The following KCNAB1 variants were observed in gnomAD, a reference collection of about 807,000 sequenced individuals.
The protein encoded by KCNAB1 is voltage-gated potassium channel subunit beta-1.
KCNAB1 carries 35 observed loss-of-function variants against 64.6 expected under a neutral mutation model. That is an observed-to-expected ratio of 0.54 (90% CI 0.41 to 0.72). KCNAB1 has a LOEUF of 0.72. Ranked by LOEUF, KCNAB1 falls within the 30% of genes least tolerant of loss-of-function variation. The pLI is 0.00. For synonymous variants in KCNAB1, 177 were observed against 183.8 expected (o/e 0.96, Z 0.30); for missense variants, 401 against 512.9 (o/e 0.78, Z 2.11).
intron 1 of KCNAB1, among the ~76,000 whole-genome samples, chr3:156,159,464 A>G (rs1241330688): frequency 3.3e-5 from 5 of 152,206 alleles, no homozygotes; most frequent in African/African-American, 7.2e-5. Context: ...AAAAACTCAT[A>G]AAGTATTTTA....
chr3:156,401,804 A>G (rs1713913083), intron 1 of KCNAB1, among the ~76,000 whole-genome samples: 1 of 152,246 alleles, frequency 6.6e-6, no homozygotes, highest in Non-Finnish European at 1.5e-5. Context: ...TACATTTGTA[A>G]AAGAATGATT....
chr3:156,500,579 A>G lies in KCNAB1; in HGVS notation c.659-13785A>G, dbSNP rs374201857. ...ATCTTTAGACATTTTTATATATTAT[A>G]GTTAAATGAAGGGTAACAACAACTT... On this transcript the variant is annotated intron_variant, in intron 8 of 13. Transcript: ENST00000490337. 2.2e-4 allele frequency among the ~76,000 whole-genome samples: 34 copies of G among 152,348 alleles called. No individual in the cohort carries two copies. The East Asian group carries it at 5.8e-3, about 26-fold the overall frequency.
intron 1 of KCNAB1, among the ~76,000 whole-genome samples, chr3:156,155,474 A>G (rs796442257): frequency 1.3e-5 from 2 of 152,356 alleles, no homozygotes; most frequent in African/African-American, 4.8e-5. Flanking sequence ...GACAGGGAGC[A>G]GTTGCCATTT....
At chr3:156,182,222 C>T (rs1712861413) in intron 1 of KCNAB1, among the ~76,000 whole-genome samples, 2 of 152,166 alleles carry the variant, frequency 1.3e-5, no homozygotes, top group Non-Finnish European at 2.9e-5. Context: ...AGGAGCCTCT[C>T]ACCCAATTAG....
rs926557464 is a variant in KCNAB1 at position 156,197,391 on chromosome 3, C to A, written c.275+76505C>A. On this transcript the variant is annotated intron_variant, in intron 1 of 13. Transcript: ENST00000490337. ...GGTTTCAGAACGAATGCTACCAGCT[C>A]CTCTTTGTACCTCTGGTATAATTTG... Among the ~76,000 whole-genome samples, 5 of 152,098 alleles carry A rather than the reference C, an allele frequency of 3.3e-5. No individual in the cohort carries two copies. The East Asian group carries it at 9.6e-4, about 29-fold the overall frequency.
At chr3:156,385,042 T>C (rs1712482266) in intron 1 of KCNAB1, among the ~76,000 whole-genome samples, 1 of 152,208 alleles carries the variant, frequency 6.6e-6, no homozygotes, top group South Asian at 2.1e-4. Context: ...AACCTCCTCA[T>C]GAATTTAATC....
intron 1 of KCNAB1, among the ~76,000 whole-genome samples, chr3:156,266,347 G>A (rs577477720): frequency 3.3e-5 from 5 of 152,270 alleles, no homozygotes; most frequent in South Asian, 4.2e-4. Context: ...TAGAGATAAC[G>A]TAGAAATCTT....
At chr3:156,387,014 C>CTCTCTTTTTTTTTTTTT (rs60888308) in intron 1 of KCNAB1, among the ~76,000 whole-genome samples, 9 of 90,524 alleles carry the variant, frequency 9.9e-5, no homozygotes, top group African/African-American at 4.4e-4. Context: ...TTCTCTCTCT[C>CTCTCTTTTTTTTTTTTT]TTTTTTTTTT....
chr3:156,278,358 T>A (rs1328874342), intron 1 of KCNAB1, among the ~76,000 whole-genome samples: 1 of 152,154 alleles, frequency 6.6e-6, no homozygotes, highest in Non-Finnish European at 1.5e-5. Flanking sequence ...TTCACTGTAG[T>A]TTTCAAGGGT....
At position 156,475,003 on chromosome 3, in the gene KCNAB1, C is replaced by T. The variant is rs11928766; in HGVS notation, c.658+183C>T. ...CCCAAAACCAATGCTCTGCGTGCTGCGTCTTCTTCTTTTAAAGCAGTTGAA... is the reference window on the plus strand; with the variant it reads ...CCCAAAACCAATGCTCTGCGTGCTGTGTCTTCTTCTTTTAAAGCAGTTGAA... On this transcript the variant is annotated intron_variant, in intron 8 of 13. Transcript: ENST00000490337. 3.3e-3 allele frequency among the ~76,000 whole-genome samples: 505 copies of T among 152,240 alleles called. 6 individuals carry two copies. The highest frequency in any genetic ancestry group is 0.012 in the African/African-American group (493 of 41,548).
chr3:156,507,745 G>C (rs1300742122), intron 8 of KCNAB1, among the ~76,000 whole-genome samples: 2 of 152,058 alleles, frequency 1.3e-5, no homozygotes, highest in East Asian at 3.8e-4. Context: ...TTTTTTATTA[G>C]TGTTAACAGC....
chr3:156,288,454 G>A (rs957841609), intron 1 of KCNAB1, among the ~76,000 whole-genome samples: 1 of 152,194 alleles, frequency 6.6e-6, no homozygotes, highest in African/African-American at 2.4e-5. Context: ...CTTATGATGT[G>A]ACAATGAAAA....
intron 8 of KCNAB1, among the ~76,000 whole-genome samples, chr3:156,512,934 C>T (rs186637796): frequency 5.9e-5 from 9 of 152,306 alleles, no homozygotes; most frequent in South Asian, 2.1e-4. Flanking sequence ...TACAGAAGGA[C>T]GGGAGCAGTG....
chr3:156,432,386 C>T (rs1368659425), intron 2 of KCNAB1, among the ~76,000 whole-genome samples: 1 of 152,124 alleles, frequency 6.6e-6, no homozygotes, highest in East Asian at 1.9e-4. Flanking sequence ...ATTAGTGAGA[C>T]CTAAGGCTCA....
chr3:156,498,097 A>G (rs550770308), intron 8 of KCNAB1, among the ~76,000 whole-genome samples: 7 of 152,234 alleles, frequency 4.6e-5, no homozygotes, highest in Non-Finnish European at 8.8e-5. Context: ...TTTATAGTGA[A>G]GCTTGGGTGA....
chr3:156,329,878 A>C (rs542989522), intron 1 of KCNAB1, among the ~76,000 whole-genome samples: 3 of 152,194 alleles, frequency 2.0e-5, no homozygotes, highest in Non-Finnish European at 4.4e-5. Context: ...GTTAAGATTT[A>C]GAAGTAAATG....
chr3:156,344,085 C>A (rs2108071948), intron 1 of KCNAB1, among the ~76,000 whole-genome samples: 1 of 152,316 alleles, frequency 6.6e-6, no homozygotes, highest in South Asian at 2.1e-4. Context: ...CCTTTCAGCT[C>A]TTCAATGGAG....
chr3:156,194,910 A>G lies in KCNAB1; in HGVS notation c.275+74024A>G, dbSNP rs566857532. Among the ~76,000 whole-genome samples, 391 of 152,104 alleles carry G rather than the reference A, an allele frequency of 2.6e-3. 3 individuals carry two copies. Among genetic ancestry groups the G allele is most frequent in the African/African-American group, 8.7e-3 (361 of 41,478 alleles). ...GTTTTAAGCCCTGGATGCATTACGT[A>G]TTTGTCCTAATGCTCTCCCTCTCCT... is the stretch of plus-strand genomic sequence containing the variant. On this transcript the variant is annotated intron_variant, in intron 1 of 13. Transcript: ENST00000490337.
chr3:156,193,121 T>C (rs1031801422), intron 1 of KCNAB1, among the ~76,000 whole-genome samples: 1 of 152,160 alleles, frequency 6.6e-6, no homozygotes, highest in African/African-American at 2.4e-5. Context: ...ATTAATTATA[T>C]TTTAATGATT....
Sources: allele counts gnomAD v4.1 joint callset (sites outside exome capture counted in the v4.1 genomes callset), GRCh38; gene constraint gnomAD v4.1.1; transcripts MANE v1.5; gene names NCBI Gene and HGNC (gene_info 2026-07-23, HGNC 2026-07-21).